The following KDSR variants were observed in gnomAD, a reference collection of about 807,000 sequenced individuals.
The protein encoded by KDSR is 3-ketodihydrosphingosine reductase.
Under a neutral mutation model 41.3 loss-of-function variants are expected in KDSR, and 23 were observed. The observed-to-expected ratio is 0.56, with a 90% confidence interval of 0.40 to 0.79. The LOEUF is 0.79. Among genes scored for constraint, KDSR ranks in the 30% least tolerant of loss-of-function variants. The probability of loss-of-function intolerance (pLI) is 0.00; values close to 1 mark genes in which losing one functional copy is unlikely to be tolerated. For missense variants in KDSR, 351 were observed against 416.8 expected, an observed-to-expected ratio of 0.84 and a Z score of 1.37; for synonymous variants, 138 against 151.7, an observed-to-expected ratio of 0.91 and a Z score of 0.66.
intron 2 of KDSR, among the ~76,000 whole-genome samples, chr18:63,361,063 AAT>A (rs1262394932): frequency 2.3e-5 from 3 of 132,054 alleles, no homozygotes; most frequent in Admixed American, 8.9e-5. Context: ...TATATATGTA[AAT>A]ATATATACAC....
At chr18:63,338,689 G>A (rs1914255147) in intron 8 of KDSR, 111 bp downstream of exon 8, 1 of 740,090 alleles carries the variant, frequency 1.4e-6, no homozygotes, top group Admixed American at 3.0e-5. Context: ...AAATCTGACA[G>A]ACTAAAAAAT....
intron 7 of KDSR, among the ~76,000 whole-genome samples, chr18:63,342,166 CACA>C (rs1468802146): frequency 3.8e-5 from 2 of 52,570 alleles, no homozygotes. Context: ...AAGACTCTAT[CACA>C]AAAAAAAAAA....
chr18:63,341,192 G>A (rs987932342), intron 7 of KDSR, among the ~76,000 whole-genome samples: 9 of 151,940 alleles, frequency 5.9e-5, no homozygotes, highest in African/African-American at 2.2e-4. Flanking sequence ...AAGAAAGTAG[G>A]AGGAAATAAA....
At chr18:63,352,208 T>C (rs1914677357) in intron 5 of KDSR, among the ~76,000 whole-genome samples, 2 of 152,232 alleles carry the variant, frequency 1.3e-5, no homozygotes, top group South Asian at 2.1e-4. Context: ...AATACCTCAA[T>C]TGTGGAACTT....
intron 5 of KDSR, among the ~76,000 whole-genome samples, chr18:63,354,764 T>C (rs1200990864): frequency 6.6e-6 from 1 of 152,226 alleles, no homozygotes; most frequent in Non-Finnish European, 1.5e-5. Context: ...TGATTAAAAA[T>C]AGAAACATCA....
intron 9 of KDSR, among the ~76,000 whole-genome samples, chr18:63,333,112 G>A (rs1914060314): frequency 1.3e-5 from 2 of 152,160 alleles, no homozygotes; most frequent in South Asian, 4.2e-4. Context: ...CCTTTTTAGA[G>A]ACAGGGTCTT....
At chr18:63,362,574 C>A (rs1266232764) in intron 2 of KDSR, among the ~76,000 whole-genome samples, 2 of 152,150 alleles carry the variant, frequency 1.3e-5, no homozygotes, top group Non-Finnish European at 2.9e-5. Flanking sequence ...GCCAATGGTA[C>A]TAAATAAATA....
In KDSR at chr18:63,330,802, T is replaced by C. The variant is rs1049625170; in HGVS notation, c.*980A>G. ...CAAGTCGAAAATTTTAGCTGGTCTT[T>C]TTTTTCCTTTTTTTTTTTTTTTACA... On this transcript the variant is annotated 3_prime_UTR_variant, in exon 10 of 10. Transcript: ENST00000645214. 5 of 229,684 alleles carry C rather than the reference T, an allele frequency of 2.2e-5. No homozygotes were observed. Among genetic ancestry groups the C allele is most frequent in the African/African-American group, 1.1e-4 (5 of 45,014 alleles). 14.2% of individuals were successfully genotyped at this position (229,684 alleles called of 1,614,324 possible). A position where few individuals can be genotyped will look rare whatever the true frequency, so the allele number is the denominator to read the frequency against.
rs912646392 is a variant in KDSR, at chr18:63,328,227, A to C, written c.*3555T>G. The C allele has an allele frequency of 5.4e-6, 1 of 184,384 alleles. No homozygotes were observed. Among genetic ancestry groups the C allele is most frequent in the Non-Finnish European group, 1.1e-5 (1 of 86,988 alleles). 11.4% of individuals were successfully genotyped at this position (184,384 alleles called of 1,614,324 possible). ...TTTCTTCTAGAAAGATAAAGACATAAAATTCTTTGAACCAAAGCAATATTA... is the reference window on the plus strand; with the variant it reads ...TTTCTTCTAGAAAGATAAAGACATACAATTCTTTGAACCAAAGCAATATTA... On this transcript the variant is annotated 3_prime_UTR_variant, in exon 10 of 10. Coordinates refer to ENST00000645214, the MANE Select transcript of KDSR (RefSeq NM_002035.4).
In KDSR at chr18:63,362,836, G is replaced by A. The variant is rs772265369; in HGVS notation, c.141C>T (p.Cys47=). 1 of 1,613,604 alleles carries A rather than the reference G, an allele frequency of 6.2e-7. No individual in the cohort carries two copies. The highest frequency in any genetic ancestry group is 1.3e-5 in the African/African-American group (1 of 75,030). ...CTTGTTTATAGCACTCGATAGCAAT[G>A]CACTTCCCGATGCCACTGGAACCTC... ...VTGGSSGIGK[C]IAIECYKQGA... The change falls in exon 2 of 10, where the codon TGC becomes TGT. Residue 47 remains cysteine (C), a synonymous_variant. Transcript: ENST00000645214.
chr18:63,336,019 C>T (rs1236372660), intron 8 of KDSR: 1 of 152,216 alleles, frequency 6.6e-6, no homozygotes, highest in Non-Finnish European at 1.5e-5. Context: ...TTTCATGGAG[C>T]ATCATTTGTA....
chr18:63,360,271 G>T (rs975492988), intron 2 of KDSR, among the ~76,000 whole-genome samples: 1 of 152,046 alleles, frequency 6.6e-6, no homozygotes, highest in Non-Finnish European at 1.5e-5. Flanking sequence ...GGATAGACTG[G>T]GTAAACTAGG....
intron 5 of KDSR, among the ~76,000 whole-genome samples, chr18:63,352,089 TCTTAAAAAC>T (rs545359633): frequency 6.6e-6 from 1 of 152,230 alleles, no homozygotes; most frequent in Admixed American, 6.5e-5. Flanking sequence ...TAGCCTGAGC[TCTTAAAAAC>T]CTTAAATTTT....
At chr18:63,366,295 G>A (rs891262104) in intron 1 of KDSR, 1 of 152,326 alleles carries the variant, frequency 6.6e-6, no homozygotes, top group African/African-American at 2.4e-5. Flanking sequence ...TTGTCGTTTA[G>A]CTCATCCTTC....
In KDSR at chr18:63,331,731, G is replaced by A. The variant is rs148875089; in HGVS notation, c.*51C>T. 218 of 1,591,358 alleles carry A rather than the reference G, an allele frequency of 1.4e-4. 2 individuals are homozygous for A. In the East Asian group the frequency reaches 4.8e-3, roughly 35 times the overall value. ...GCCAAAAATTGGGTCCCATTTAGCA[G>A]CAAGCTGTTCAAATTATTTGGAAAC... is the stretch of plus-strand genomic sequence containing the variant. On this transcript the variant is annotated 3_prime_UTR_variant, in exon 10 of 10. Coordinates refer to ENST00000645214, the MANE Select transcript of KDSR (RefSeq NM_002035.4).
chr18:63,357,221 A>T (rs1327360248), intron 3 of KDSR, among the ~76,000 whole-genome samples: 1 of 152,134 alleles, frequency 6.6e-6, no homozygotes, highest in Non-Finnish European at 1.5e-5. Context: ...CGCAACAGAA[A>T]CCGCATTCCT....
At chr18:63,352,228 CAT>C (rs1230596233) in intron 5 of KDSR, among the ~76,000 whole-genome samples, 1 of 152,128 alleles carries the variant, frequency 6.6e-6, no homozygotes, top group East Asian at 1.9e-4. Context: ...TGAGATCAAT[CAT>C]AATTTTTTTT....
rs371205204 is a variant in KDSR at position 63,366,985 on chromosome 18, G to C, written c.108+26C>G. The C allele has an allele frequency of 7.5e-5, 92 of 1,227,838 alleles. No homozygotes were observed. In the African/African-American group the frequency reaches 1.1e-3, roughly 15 times the overall value. The allele number at this position is 1,227,838 out of a possible 1,614,324, so 76.1% of individuals were successfully genotyped here. ...AAAGGCCGCGCGGGCCGGTAAGTCGGGGGGCAGCAACAGGAGGCCACTCAC... is the reference window on the plus strand; with the variant it reads ...AAAGGCCGCGCGGGCCGGTAAGTCGCGGGGCAGCAACAGGAGGCCACTCAC... On this transcript the variant is annotated intron_variant, in intron 1 of 9. Coordinates refer to ENST00000645214, the MANE Select transcript of KDSR (RefSeq NM_002035.4).
At chr18:63,360,637 C>G (rs960288808) in intron 2 of KDSR, among the ~76,000 whole-genome samples, 1 of 152,150 alleles carries the variant, frequency 6.6e-6, no homozygotes, top group Non-Finnish European at 1.5e-5. Context: ...AATCCCAGCA[C>G]TTTGGGAGGC....
Sources: allele counts gnomAD v4.1 joint callset (sites outside exome capture counted in the v4.1 genomes callset), GRCh38; gene constraint gnomAD v4.1.1; transcripts MANE v1.5; gene names NCBI Gene and HGNC (gene_info 2026-07-23, HGNC 2026-07-21).